The following CRY1 variants were observed in gnomAD, a reference collection of about 807,000 sequenced individuals.
CRY1 encodes the protein cryptochrome circadian regulator 1, also known as cryptochrome-1.
CRY1 carries 45 observed loss-of-function variants against 76.0 expected under a neutral mutation model. The ratio of observed to expected loss-of-function variants is 0.59; its 90% CI spans 0.47 to 0.76. CRY1 has a LOEUF of 0.76. Ranked by LOEUF, CRY1 falls within the 30% of genes least tolerant of loss-of-function variation. CRY1 has a pLI of 0.00. For missense variants in CRY1, 587 were observed against 716.4 expected (o/e 0.82, Z 2.06); for synonymous variants, 248 against 244.0 (o/e 1.02, Z -0.15).
intron 1 of CRY1, among the ~76,000 whole-genome samples, chr12:107,063,862 T>G (rs1953079078): frequency 6.6e-6 from 1 of 152,162 alleles, no homozygotes; most frequent in Admixed American, 6.5e-5. Context: ...CCTCCCAAAG[T>G]GCTGGGATTA....
intron 1 of CRY1, among the ~76,000 whole-genome samples, chr12:107,084,352 A>G (rs1201079356): frequency 6.6e-6 from 1 of 152,154 alleles, no homozygotes; most frequent in Non-Finnish European, 1.5e-5. Flanking sequence ...TATGGAACCA[A>G]AAAAAGAGCC....
At position 107,061,318 on chromosome 12, in the gene CRY1, A is replaced by T. The variant is rs114140429; in HGVS notation, c.158+31486T>A. Among the ~76,000 whole-genome samples, 1,042 of 152,192 alleles carry T rather than the reference A, an allele frequency of 6.8e-3. 16 individuals are homozygous for T. Among genetic ancestry groups the T allele is most frequent in the African/African-American group, 0.024 (999 of 41,526 alleles). On this transcript the variant is annotated intron_variant, in intron 1 of 12. Transcript: ENST00000008527. ...AAGTTAATTCAGTGAACCCTAAAAA[A>T]GCTGACAGCCAAATGCTTCAATTCA...
At chr12:106,992,246 T>C (rs1472120393) in intron 12 of CRY1, 1 of 152,074 alleles carries the variant, frequency 6.6e-6, no homozygotes. Context: ...CAAAATGACA[T>C]CCCAAATCCA....
At chr12:107,019,745 T>C (rs777917780) in intron 2 of CRY1, among the ~76,000 whole-genome samples, 55 of 151,976 alleles carry the variant, frequency 3.6e-4, no homozygotes, top group South Asian at 8.3e-4. Context: ...CTGAGCAACA[T>C]AGCAAGACTA....
rs200162469 is a variant in CRY1 at position 107,001,942 on chromosome 12, T to A, written c.417A>T (p.Ile139=). 1.3e-5 allele frequency: 21 copies of A among 1,582,774 alleles called. No homozygotes were observed. Among genetic ancestry groups the A allele is most frequent in the Non-Finnish European group, 1.7e-5 (20 of 1,171,178 alleles). ...GAGGCGGTTGTCCACCATTGAGTTC[T>A]ATGATCCTATAACAAGAGTTAGTAA... ...SHTLYDLDKI[I]ELNGGQPPLT... The change falls in exon 4 of 13, where the codon ATA becomes ATT. Residue 139 remains isoleucine (I), a synonymous_variant. Transcript: ENST00000008527.
intron 1 of CRY1, among the ~76,000 whole-genome samples, chr12:107,048,265 A>G (rs1952872879): frequency 6.6e-6 from 1 of 152,082 alleles, no homozygotes; most frequent in Non-Finnish European, 1.5e-5. Context: ...TATTTTTAGT[A>G]GAGACAGGGT....
intron 1 of CRY1, among the ~76,000 whole-genome samples, chr12:107,054,691 T>A (rs1448433799): frequency 6.8e-6 from 1 of 147,006 alleles, no homozygotes; most frequent in Non-Finnish European, 1.5e-5. Flanking sequence ...ACTATAAACA[T>A]ACCAAAGAAA....
At chr12:107,005,285 G>GT (rs1449082342) in intron 2 of CRY1, 37 bp from the exon 3 acceptor site, 1 of 1,543,562 alleles carries the variant, frequency 6.5e-7, no homozygotes, top group East Asian at 2.3e-5. Context: ...TACACCAATT[G>GT]TAATAGTTAT....
At chr12:106,997,261 G>T in intron 10 of CRY1, 33 bp downstream of exon 10, 1 of 1,534,674 alleles carries the variant, frequency 6.5e-7, no homozygotes, top group Non-Finnish European at 9.0e-7. Context: ...ACCTCTTCAT[G>T]TTACTAAGTG....
intron 1 of CRY1, among the ~76,000 whole-genome samples, chr12:107,064,567 A>T (rs1593533826): frequency 6.6e-6 from 1 of 152,340 alleles, no homozygotes; most frequent in East Asian, 1.9e-4. Context: ...GACAAAAATC[A>T]TCAACAGTGG....
At chr12:107,052,071 A>G (rs573662618) in intron 1 of CRY1, among the ~76,000 whole-genome samples, 2 of 152,280 alleles carry the variant, frequency 1.3e-5, no homozygotes, top group Middle Eastern at 6.8e-3. Context: ...ATTGTAAACA[A>G]CTATCCCAAG....
At chr12:107,060,717 G>A (rs1381524783) in intron 1 of CRY1, among the ~76,000 whole-genome samples, 2 of 152,170 alleles carry the variant, frequency 1.3e-5, no homozygotes, top group Non-Finnish European at 2.9e-5. Context: ...TGGGCCGGGT[G>A]TGGTGGCTCA....
chr12:107,021,404 C>A lies in CRY1; in HGVS notation c.267+680G>T, dbSNP rs555315039. On this transcript the variant is annotated intron_variant, in intron 2 of 12. Transcript: ENST00000008527. ...CCACAAATGTACTGGCCCATGTGAG[C>A]AAAGATTCATAAATGTGGACAAGTA... Among the ~76,000 whole-genome samples, 3 of 152,206 alleles carry A rather than the reference C, an allele frequency of 2.0e-5. No individual in the cohort carries two copies. In the South Asian group the frequency reaches 6.2e-4, roughly 32 times the overall value.
intron 1 of CRY1, chr12:107,073,130 T>A (rs931520536): frequency 5.9e-5 from 9 of 151,922 alleles, no homozygotes; most frequent in African/African-American, 2.2e-4. Context: ...ATTTATATCA[T>A]CTTTGGGTGG....
At chr12:107,041,640 T>C (rs1265132111) in intron 1 of CRY1, among the ~76,000 whole-genome samples, 2 of 152,168 alleles carry the variant, frequency 1.3e-5, no homozygotes, top group Non-Finnish European at 2.9e-5. Context: ...CTTCTAGGCT[T>C]TACAGGATTA....
chr12:107,065,525 G>C (rs1953099181), intron 1 of CRY1, among the ~76,000 whole-genome samples: 1 of 152,068 alleles, frequency 6.6e-6, no homozygotes, highest in African/African-American at 2.4e-5. Flanking sequence ...AACACTGGAG[G>C]TTGAGGTTGC....
intron 1 of CRY1, among the ~76,000 whole-genome samples, chr12:107,072,424 A>T (rs1953200639): frequency 6.6e-6 from 1 of 152,164 alleles, no homozygotes; most frequent in Non-Finnish European, 1.5e-5. Flanking sequence ...TGATGTGTGG[A>T]CTGGACAGGA....
chr12:107,053,659 C>A (rs1469652555), intron 1 of CRY1, among the ~76,000 whole-genome samples: 2 of 152,020 alleles, frequency 1.3e-5, no homozygotes, highest in Non-Finnish European at 2.9e-5. Context: ...CAAGGCAAAG[C>A]AAGATCTGAA....
chr12:107,056,773 T>C (rs1036930860), intron 1 of CRY1, among the ~76,000 whole-genome samples: 2 of 152,046 alleles, frequency 1.3e-5, no homozygotes, highest in African/African-American at 4.8e-5. Context: ...AGCTAGAGGA[T>C]AGGAGTAGAT....
Sources: allele counts gnomAD v4.1 joint callset (sites outside exome capture counted in the v4.1 genomes callset), GRCh38; gene constraint gnomAD v4.1.1; transcripts MANE v1.5; gene names NCBI Gene and HGNC (gene_info 2026-07-23, HGNC 2026-07-21).